VIPR2: variants seen among roughly 807,000 people sequenced by gnomAD.
VIPR2 encodes the protein vasoactive intestinal polypeptide receptor 2.
In VIPR2, 48 loss-of-function variants were observed where a neutral mutation model predicts 58.0. The ratio of observed to expected loss-of-function variants is 0.83; its 90% CI spans 0.66 to 1.05. The LOEUF (loss-of-function observed/expected upper bound fraction) is 1.05. VIPR2 is among the 50% of genes least tolerant of loss of function. VIPR2 has a pLI of 0.00. For synonymous variants in VIPR2, 243 were observed against 235.2 expected, an observed-to-expected ratio of 1.03 and a Z score of -0.30; for missense variants, 534 against 558.0, an observed-to-expected ratio of 0.96 and a Z score of 0.43.
At chr7:159,092,060 C>T (rs942169112) in intron 4 of VIPR2, among the ~76,000 whole-genome samples, 3 of 152,232 alleles carry the variant, frequency 2.0e-5, no homozygotes, top group Non-Finnish European at 4.4e-5. Context: ...CCGCTGAACT[C>T]CTGGGCAGCG....
rs200149573 is a variant in VIPR2, at chr7:159,036,736, G to C, written c.748+16C>G. 4.0e-4 allele frequency: 646 copies of C among 1,606,590 alleles called. 4 individuals are homozygous for C. The African/African-American group carries it at 8.0e-3, about 20-fold the overall frequency. On this transcript the variant is annotated intron_variant, in intron 7 of 12. Coordinates refer to ENST00000262178, the MANE Select transcript of VIPR2 (RefSeq NM_003382.5). Reference sequence around the variant, plus strand: ...GATGGGATGGAGGGTTTGTGGGTGGGAAGGGGCACACTTACCCCATCCGAT... The same window carrying C: ...GATGGGATGGAGGGTTTGTGGGTGGCAAGGGGCACACTTACCCCATCCGAT...
At chr7:159,068,161 C>T (rs560153970) in intron 4 of VIPR2, among the ~76,000 whole-genome samples, 2 of 152,322 alleles carry the variant, frequency 1.3e-5, no homozygotes, top group East Asian at 3.9e-4. Context: ...TATTACTAAC[C>T]CTGCCCCAAC....
chr7:159,036,863 T>A lies in VIPR2; in HGVS notation c.637A>T (p.Ile213Phe). 6.2e-7 allele frequency: 1 copy of A among 1,613,802 alleles called. No homozygotes were observed. The highest frequency in any genetic ancestry group is 8.5e-7 in the Non-Finnish European group (1 of 1,179,882). The change falls in exon 7 of 13, where the codon ATC becomes TTC. Residue 213 changes from isoleucine (I) to phenylalanine (F), a missense_variant. By Grantham distance (21) the Ile-to-Phe change is conservative (BLOSUM62 0). Around this residue, in one of 3 missense-constraint regions of VIPR2, gnomAD observed 4 missense variants for 16.5 expected, o/e 0.24. Transcript: ENST00000262178. ...AGCAGCCAGAAGAAGTTGGCCATGA[T>A]GCAGTACTGCAGGAAGACCAGGCTC... is the stretch of plus-strand genomic sequence containing the variant. ...KLSLVFLQYC[I>F]MANFFWLLVE...
intron 4 of VIPR2, among the ~76,000 whole-genome samples, chr7:159,092,786 G>A (rs1429706360): frequency 6.6e-6 from 1 of 151,932 alleles, no homozygotes; most frequent in Non-Finnish European, 1.5e-5. Context: ...GCCAGAGGGA[G>A]GTGGTCGGTG....
intron 2 of VIPR2, among the ~76,000 whole-genome samples, chr7:159,113,170 G>A (rs572973702): frequency 3.3e-5 from 5 of 152,290 alleles, no homozygotes; most frequent in South Asian, 4.1e-4. Flanking sequence ...AACCAGACCC[G>A]ACACCAGGCC....
intron 8 of VIPR2, 176 bp downstream of exon 8, chr7:159,035,776 T>C (rs1853904405): frequency 1.0e-6 from 1 of 985,376 alleles, no homozygotes; most frequent in African/African-American, 1.7e-5. Context: ...CCTCCAACAC[T>C]CCAACCTCAC....
In VIPR2 at chr7:159,139,906, C is replaced by T. The variant is rs377091682; in HGVS notation, c.151+2540G>A. 2.3e-4 allele frequency among the ~76,000 whole-genome samples: 35 copies of T among 152,368 alleles called. No individual in the cohort carries two copies. The East Asian group carries it at 2.9e-3, about 13-fold the overall frequency. ...GGGCCATGGAAACAGGGCTGGATCT[C>T]GGCTCTGAGGCCGGGAGTGCCTCAT... On this transcript the variant is annotated intron_variant, in intron 2 of 12. Coordinates refer to ENST00000262178, the MANE Select transcript of VIPR2 (RefSeq NM_003382.5).
chr7:159,063,402 C>T (rs1223549723), intron 4 of VIPR2, among the ~76,000 whole-genome samples: 8 of 152,036 alleles, frequency 5.3e-5, no homozygotes, highest in Non-Finnish European at 7.4e-5. Context: ...CCTCACTGCC[C>T]GGGGCCGGCA....
At position 159,135,004 on chromosome 7, in the gene VIPR2, G is replaced by GTTTTTTGTTTTTTTTTTTTT. The variant is rs1416758329; in HGVS notation, c.151+7441_151+7442insAAAAAAAAAAAAACAAAAAA. ...TATTGGTCTTCTCTTAATTACAAAA[G>GTTTTTTGTTTTTTTTTTTTT]TTTTTTTTTTTTTTTTTTTTTTTTT... On this transcript the variant is annotated intron_variant, in intron 2 of 12. Coordinates refer to ENST00000262178, the MANE Select transcript of VIPR2 (RefSeq NM_003382.5). 5.3e-4 allele frequency among the ~76,000 whole-genome samples: 35 copies of GTTTTTTGTTTTTTTTTTTTT among 65,984 alleles called. 1 individual carries two copies. Among genetic ancestry groups the GTTTTTTGTTTTTTTTTTTTT allele is most frequent in the African/African-American group, 2.3e-3 (35 of 15,366 alleles). 43.3% of individuals were successfully genotyped at this position (65,984 alleles called of 152,430 possible).
At chr7:159,080,686 T>C (rs1487182112) in intron 4 of VIPR2, among the ~76,000 whole-genome samples, 5 of 152,240 alleles carry the variant, frequency 3.3e-5, no homozygotes, top group Non-Finnish European at 7.3e-5. Flanking sequence ...TGTCCCTGTT[T>C]GCAGATGACA....
At chr7:159,054,426 C>T (rs1302540582) in intron 5 of VIPR2, among the ~76,000 whole-genome samples, 2 of 151,994 alleles carry the variant, frequency 1.3e-5, no homozygotes, top group South Asian at 2.1e-4. Context: ...AGACAAAATC[C>T]GTAATACTCG....
intron 3 of VIPR2, among the ~76,000 whole-genome samples, chr7:159,104,481 G>C (rs143931194): frequency 7.9e-4 from 113 of 142,620 alleles, no homozygotes; most frequent in African/African-American, 2.8e-3. Flanking sequence ...ATGGTGACCA[G>C]GTGCCCAGTC....
chr7:159,106,105 C>G (rs1351591312), intron 3 of VIPR2, among the ~76,000 whole-genome samples: 2 of 152,184 alleles, frequency 1.3e-5, no homozygotes, highest in African/African-American at 4.8e-5. Context: ...GAGCAGGGCA[C>G]CTGCAGGCCC....
At chr7:159,091,561 C>A (rs2129495339) in intron 4 of VIPR2, among the ~76,000 whole-genome samples, 1 of 152,356 alleles carries the variant, frequency 6.6e-6, no homozygotes, top group East Asian at 1.9e-4. Context: ...CACATGCCTG[C>A]CTCGCAGGGG....
In VIPR2 at chr7:159,070,182, ATCT is replaced by A. The variant is rs552493026; in HGVS notation, c.358-11607_358-11605del. On this transcript the variant is annotated intron_variant, in intron 4 of 12. Coordinates refer to ENST00000262178, the MANE Select transcript of VIPR2 (RefSeq NM_003382.5). The stretch of plus-strand genomic sequence containing the variant: ...GAGATTCCTGGGAAGGACTTTAAAA[ATCT>A]TCTTTGTGGAAAGCAAAGGCATATA... Among the ~76,000 whole-genome samples, 657 of 152,234 alleles carry A rather than the reference ATCT, an allele frequency of 4.3e-3. 1 individual carries two copies. Among genetic ancestry groups the A allele is most frequent in the African/African-American group, 0.015 (633 of 41,534 alleles).
Position 159,030,661 on chromosome 7 carries a change from G to T in VIPR2, c.1272C>A (p.Gly424=), listed in dbSNP as rs755933729. ...GSEGALQFHR[G]SRAQSFLQTE... ...TTTGCAGGAAGGACTGGGCGCGGGA[G>T]CCGCGGTGGAACTGCAGGGCGCCCT... The change falls in exon 13 of 13, where the codon GGC becomes GGA. Residue 424 remains glycine, a synonymous_variant. Coordinates refer to ENST00000262178, the MANE Select transcript of VIPR2 (RefSeq NM_003382.5). 2 of 1,561,438 alleles carry T rather than the reference G, an allele frequency of 1.3e-6. No individual in the cohort carries two copies. The highest frequency in any genetic ancestry group is 8.7e-7 in the Non-Finnish European group (1 of 1,154,296).
At chr7:159,101,679 C>T (rs60431488) in intron 4 of VIPR2, among the ~76,000 whole-genome samples, 9 of 136,286 alleles carry the variant, frequency 6.6e-5, no homozygotes, top group South Asian at 2.4e-4. Context: ...TGGTAGTGAA[C>T]GGGTCTCACG....
At chr7:159,106,206 GATCAGTGTTTACCA>G (rs1858638565) in intron 3 of VIPR2, among the ~76,000 whole-genome samples, 1 of 152,254 alleles carries the variant, frequency 6.6e-6, no homozygotes, top group Admixed American at 6.5e-5. Flanking sequence ...TCCTACGGGA[GATCAGTGTTTACCA>G]ATCCAAAGAA....
In VIPR2 at chr7:159,088,746, G is replaced by A. The variant is rs550841361; in HGVS notation, c.357+15011C>T. On this transcript the variant is annotated intron_variant, in intron 4 of 12. Transcript: ENST00000262178. Reference sequence around the variant, plus strand: ...CCACGGAGTGAAAGCAGTGAGCTCCGGAGTCCATTCAGCTACTCTGGTCAC... The same window carrying A: ...CCACGGAGTGAAAGCAGTGAGCTCCAGAGTCCATTCAGCTACTCTGGTCAC... Among the ~76,000 whole-genome samples the A allele has an allele frequency of 1.8e-4, 27 of 152,372 alleles. No individual in the cohort carries two copies. In the East Asian group the frequency reaches 3.5e-3, roughly 20 times the overall value.
Sources: gnomAD v4.1 joint callset for allele counts (sites outside exome capture counted in the v4.1 genomes callset) on GRCh38, gnomAD v4.1.1 for gene constraint, gnomAD v4.1.1 regional missense constraint, MANE v1.5 for transcripts, NCBI Gene and HGNC (gene_info 2026-07-23, HGNC 2026-07-21) for gene names.